The following BCORL1 variants were observed in gnomAD, a reference collection of about 807,000 sequenced individuals.
BCORL1 encodes the protein BCL-6 corepressor-like protein 1.
A neutral mutation model predicts 87.6 loss-of-function variants in BCORL1; 7 were observed. The observed-to-expected ratio is 0.08, with a 90% CI of 0.05 to 0.15. The LOEUF (loss-of-function observed/expected upper bound fraction) is 0.15. Among genes scored for constraint, BCORL1 ranks in the 10% least tolerant of loss-of-function variants. The pLI is 1.00. For synonymous variants in BCORL1, 591 were observed against 634.4 expected (o/e 0.93, Z 1.03); for missense variants, 1,215 against 1,499.7 (o/e 0.81, Z 3.13).
intron 1 of BCORL1, among the ~76,000 whole-genome samples, chrX:130,004,241 GTTT>G (rs1189082044): frequency 1.2e-5 from 1 of 85,632 alleles, no homozygotes; most frequent in Non-Finnish European, 2.2e-5. Flanking sequence ...GAAATGTGTG[GTTT>G]TTTTTTTTTT....
At chrX:130,045,711 G>A (rs59666495) in intron 11 of BCORL1, among the ~76,000 whole-genome samples, 6,145 of 110,797 alleles carry the variant, frequency 0.055, 438 homozygotes, top group African/African-American at 0.19. Context: ...TCGACCTCCC[G>A]GGTTCAAGCA....
At chrX:130,004,481 G>A (rs1481312976) in intron 1 of BCORL1, among the ~76,000 whole-genome samples, 4 of 111,101 alleles carry the variant, frequency 3.6e-5, no homozygotes, top group Non-Finnish European at 7.6e-5. Context: ...CTGACCTCAG[G>A]TGATCCACCC....
chrX:130,049,304 T>C (rs1931942565), intron 11 of BCORL1, among the ~76,000 whole-genome samples: 1 of 112,267 alleles, frequency 8.9e-6, no homozygotes, highest in Non-Finnish European at 1.9e-5. Flanking sequence ...TTTCCACCTT[T>C]TGGCTTTTGT....
At chrX:130,049,510 C>T (rs939341194) in intron 11 of BCORL1, among the ~76,000 whole-genome samples, 1 of 111,960 alleles carries the variant, frequency 8.9e-6, no homozygotes, top group African/African-American at 3.2e-5. Context: ...GCGTGTGCCA[C>T]CATGCCTGGC....
At position 130,026,008 on chromosome X, in the gene BCORL1, G is replaced by C. The variant is rs769796565; in HGVS notation, c.4078+629G>C. 2.7e-5 allele frequency among the ~76,000 whole-genome samples: 3 copies of C among 111,709 alleles called. No individual in the cohort carries two copies. In the East Asian group the frequency reaches 8.4e-4, roughly 31 times the overall value. ...CCAAAGAGAAAACCAGGCTTTCTCT[G>C]ACCACATCAAATGCTGTGATATACC... On this transcript the variant is annotated intron_variant, in intron 7 of 13. Coordinates refer to ENST00000540052, the MANE Select transcript of BCORL1 (RefSeq NM_001379451.1).
chrX:130,003,622 C>T (rs1167584132), intron 1 of BCORL1, among the ~76,000 whole-genome samples: 3 of 111,437 alleles, frequency 2.7e-5, no homozygotes, highest in African/African-American at 6.5e-5. Flanking sequence ...CCACCTGCCT[C>T]GGCCTCCCAA....
chrX:129,985,835 A>T (rs1307682848), intron 1 of BCORL1, among the ~76,000 whole-genome samples: 1 of 110,525 alleles, frequency 9.0e-6, no homozygotes, highest in Non-Finnish European at 1.9e-5. Context: ...CTTTGCAACA[A>T]GGGTGGTTAG....
In BCORL1 at chrX:130,013,245, G is replaced by C; in HGVS notation, c.473G>C (p.Gly158Ala). The C allele has an allele frequency of 8.3e-7, 1 of 1,212,031 alleles. No individual in the cohort carries two copies. Among genetic ancestry groups the C allele is most frequent in the Non-Finnish European group, 1.1e-6 (1 of 895,541 alleles). ...AAACAGGTTGACTGCTCACCCGCCG[G>C]AGTAAAGGCTTTGGACTCTCGGCAA... ...MSKQVDCSPA[G>A]VKALDSRQGV... The change falls in exon 4 of 14, where the codon GGA (glycine) becomes GCA (alanine). Residue 158 changes from glycine to alanine, a missense_variant. By Grantham distance (60) the Gly-to-Ala change is moderately conservative. This residue lies in a region of BCORL1 where 861 missense variants were observed against 1,010.0 expected (regional missense o/e 0.85). Coordinates refer to ENST00000540052, the MANE Select transcript of BCORL1 (RefSeq NM_001379451.1).
In BCORL1 at chrX:130,025,258, G is replaced by GGAA. The variant is rs1292902846; in HGVS notation, c.3963_3965dup (p.Glu1324dup). On this transcript the variant is annotated inframe_insertion, in exon 7 of 14. Transcript: ENST00000540052. ...TGTGGGACACCAATGAGGAGGAGGA[G>GGAA]GAAGAAGAGGAGGAGGGCCTGCTGA... 3 of 1,208,089 alleles carry GGAA rather than the reference G, an allele frequency of 2.5e-6. No homozygotes were observed. Among genetic ancestry groups the GGAA allele is most frequent in the Non-Finnish European group, 3.4e-6 (3 of 894,276 alleles).
chrX:130,024,330 G>A (rs1431442408), intron 6 of BCORL1, among the ~76,000 whole-genome samples: 3 of 111,139 alleles, frequency 2.7e-5, no homozygotes, highest in Admixed American at 9.5e-5. Context: ...TGGCAAGTCG[G>A]GAGGAGGTGG....
chrX:130,048,441 A>G (rs751585386), intron 11 of BCORL1, among the ~76,000 whole-genome samples: 51 of 111,674 alleles, frequency 4.6e-4, no homozygotes, highest in African/African-American at 1.7e-3. Context: ...AGGGTGGCAT[A>G]TTGGTTGAGC....
chrX:130,043,773 TATA>T (rs1931528720), intron 11 of BCORL1, among the ~76,000 whole-genome samples: 1 of 23,306 alleles, frequency 4.3e-5, no homozygotes, highest in African/African-American at 2.9e-4. Context: ...TATATATATA[TATA>T]TATATATATT....
rs1471492153 is a variant in BCORL1, at chrX:130,021,091, G to A, written c.3548G>A (p.Arg1183Gln). Residue 1183 changes from arginine to glutamine, a missense_variant, in exon 5 of 14, where the codon CGG becomes CAG. This residue lies in a region of BCORL1 where 861 missense variants were observed against 1,010.0 expected (regional missense o/e 0.85). Transcript: ENST00000540052. ...HNGVRGKHKHRKPTKPESQSP... is the reference protein window; with the variant it reads ...HNGVRGKHKHQKPTKPESQSP... ...GGAGTCAGGGGAAAGCACAAGCACC[G>A]GAAGCCGACAAAGCCGGAGTCCCAG... The A allele has an allele frequency of 3.3e-6, 4 of 1,200,823 alleles. No homozygotes were observed. The highest frequency in any genetic ancestry group is 3.0e-5 in the East Asian group (1 of 32,926).
intron 1 of BCORL1, among the ~76,000 whole-genome samples, chrX:129,990,081 C>T (rs1331755033): frequency 7.2e-5 from 8 of 111,751 alleles, no homozygotes; most frequent in African/African-American, 2.0e-4. Flanking sequence ...CCACCATGCC[C>T]GGCCCACTTA....
At chrX:129,998,087 A>G (rs1219257551) in intron 1 of BCORL1, among the ~76,000 whole-genome samples, 2 of 108,794 alleles carry the variant, frequency 1.8e-5, no homozygotes, top group African/African-American at 6.7e-5. Flanking sequence ...TGAGTTGGAT[A>G]TATCTTTTGA....
chrX:130,017,341 A>G (rs1458877484), intron 4 of BCORL1, among the ~76,000 whole-genome samples: 1 of 110,871 alleles, frequency 9.0e-6, no homozygotes, highest in Non-Finnish European at 1.9e-5. Context: ...AACGTGGGTC[A>G]TGACGCAGTA....
At chrX:129,988,684 G>A (rs751747044) in intron 1 of BCORL1, among the ~76,000 whole-genome samples, 2 of 111,523 alleles carry the variant, frequency 1.8e-5, no homozygotes, top group East Asian at 5.6e-4. Context: ...GTACCAAGGA[G>A]CAGGGAAAGC....
chrX:129,985,357 G>A (rs1926509628), intron 1 of BCORL1, among the ~76,000 whole-genome samples: 1 of 111,790 alleles, frequency 8.9e-6, no homozygotes, highest in African/African-American at 3.3e-5. Flanking sequence ...ATGGTAGATG[G>A]CACAGTGGAG....
rs146829570 is a variant in BCORL1, at chrX:130,000,328, G to A, written c.-44-4860G>A. Among the ~76,000 whole-genome samples the A allele has an allele frequency of 2.0e-3, 224 of 112,423 alleles. No homozygotes were observed. The Middle Eastern group carries it at 0.028, about 14-fold the overall frequency. ...TCTGGGATTACAGGTGTGAGCCACT[G>A]TGCCCAACCAGTGTTGTTGGTTAAA... On this transcript the variant is annotated intron_variant, in intron 1 of 13. Coordinates refer to ENST00000540052, the MANE Select transcript of BCORL1 (RefSeq NM_001379451.1).
Sources: gnomAD v4.1 joint callset for allele counts (sites outside exome capture counted in the v4.1 genomes callset) on GRCh38, gnomAD v4.1.1 for gene constraint, gnomAD v4.1.1 regional missense constraint, MANE v1.5 for transcripts, NCBI Gene and HGNC (gene_info 2026-07-23, HGNC 2026-07-21) for gene names.